The following MECOM variants were observed in gnomAD, a reference collection of about 807,000 sequenced individuals.
MECOM encodes histone-lysine N-methyltransferase MECOM.
MECOM carries 13 observed loss-of-function variants against 116.3 expected under a neutral mutation model. The ratio of observed to expected loss-of-function variants is 0.11; its 90% CI spans 0.07 to 0.18. The LOEUF (loss-of-function observed/expected upper bound fraction) is 0.18, where lower values mean the gene tolerates loss of function less well. Ranked by LOEUF, MECOM falls within the 10% of genes least tolerant of loss-of-function variation. The pLI is 1.00. For synonymous variants in MECOM, 528 were observed against 535.2 expected (o/e 0.99, Z 0.19); for missense variants, 1,299 against 1,509.0 (o/e 0.86, Z 2.31).
chr3:169,655,064 C>A (rs1042058475), intron 1 of MECOM, among the ~76,000 whole-genome samples: 13 of 151,932 alleles, frequency 8.6e-5, no homozygotes, highest in African/African-American at 2.2e-4. Flanking sequence ...GTAGAGAAAA[C>A]TTACATAAAA....
intron 1 of MECOM, among the ~76,000 whole-genome samples, chr3:169,558,575 G>A (rs139288880): frequency 3.3e-5 from 5 of 152,332 alleles, no homozygotes; most frequent in African/African-American, 1.2e-4. Flanking sequence ...TGCATTAATT[G>A]TATATCATTG....
At chr3:169,129,367 A>G (rs1266681115) in intron 4 of MECOM, among the ~76,000 whole-genome samples, 6 of 150,560 alleles carry the variant, frequency 4.0e-5, no homozygotes, top group African/African-American at 1.2e-4. Flanking sequence ...GAAAACAGCC[A>G]TTGAAAGTGG....
At chr3:169,449,771 G>T (rs75934373) in intron 1 of MECOM, among the ~76,000 whole-genome samples, 1 of 152,106 alleles carries the variant, frequency 6.6e-6, no homozygotes, top group Non-Finnish European at 1.5e-5. Context: ...CGGAAAAAAA[G>T]AAATACAATG....
chr3:169,506,428 A>G (rs565232042), intron 1 of MECOM, among the ~76,000 whole-genome samples: 2 of 151,318 alleles, frequency 1.3e-5, no homozygotes, highest in East Asian at 1.9e-4. Context: ...TCTTGACTTC[A>G]TCATTCTTGG....
chr3:169,144,430 TTTAG>T (rs1168828862), intron 2 of MECOM, among the ~76,000 whole-genome samples: 1 of 152,166 alleles, frequency 6.6e-6, no homozygotes, highest in Non-Finnish European at 1.5e-5. Context: ...AAACTCAGGT[TTTAG>T]TTAACACATG....
chr3:169,150,440 G>A (rs924578228), intron 2 of MECOM, among the ~76,000 whole-genome samples: 2 of 152,208 alleles, frequency 1.3e-5, no homozygotes, highest in Admixed American at 6.5e-5. Flanking sequence ...TGCAAAAGCC[G>A]CTGTCTGCTC....
intron 10 of MECOM, among the ~76,000 whole-genome samples, chr3:169,102,509 T>G (rs543259161): frequency 6.6e-6 from 1 of 152,274 alleles, no homozygotes; most frequent in South Asian, 2.1e-4. Context: ...TTGAAATACA[T>G]AAGAGAGCCA....
intron 3 of MECOM, among the ~76,000 whole-genome samples, chr3:169,139,280 C>T (rs1471313885): frequency 6.6e-6 from 1 of 152,014 alleles, no homozygotes; most frequent in African/African-American, 2.4e-5. Context: ...TACCAGCTGT[C>T]AAGGGCCTAC....
intron 1 of MECOM, among the ~76,000 whole-genome samples, chr3:169,417,111 T>A (rs1473694083): frequency 2.6e-5 from 4 of 151,342 alleles, no homozygotes. Flanking sequence ...ACAAATGGGA[T>A]CTAACTAAAC....
chr3:169,447,530 C>A (rs949057767), intron 1 of MECOM, among the ~76,000 whole-genome samples: 1 of 152,044 alleles, frequency 6.6e-6, no homozygotes, highest in Non-Finnish European at 1.5e-5. Context: ...TACAAAGTAC[C>A]TTTATAAAGC....
At position 169,432,662 on chromosome 3, in the gene MECOM, T is replaced by A. The variant is rs150757238; in HGVS notation, c.38-51138A>T. Reference sequence around the variant, plus strand: ...TAGAACACAAAAAGCCCTGTTAGGCTATACATCTATTTCATTCTTCTTCTT... The same window carrying A: ...TAGAACACAAAAAGCCCTGTTAGGCAATACATCTATTTCATTCTTCTTCTT... On this transcript the variant is annotated intron_variant, in intron 1 of 16. Transcript: ENST00000651503. Among the ~76,000 whole-genome samples, 13 of 152,372 alleles carry A rather than the reference T, an allele frequency of 8.5e-5. No individual in the cohort carries two copies. The East Asian group carries it at 2.5e-3, about 29-fold the overall frequency.
intron 1 of MECOM, among the ~76,000 whole-genome samples, chr3:169,445,234 C>T (rs1744422551): frequency 6.6e-6 from 1 of 152,162 alleles, no homozygotes; most frequent in South Asian, 2.1e-4. Flanking sequence ...ATGGCAGCCC[C>T]TCCCATCACA....
rs116757212 is a variant in MECOM at position 169,128,819 on chromosome 3, T to A, written c.614-759A>T. 9.9e-3 allele frequency among the ~76,000 whole-genome samples: 1,504 copies of A among 152,288 alleles called. 21 individuals carry two copies. The highest frequency in any genetic ancestry group is 0.015 in the Non-Finnish European group (1,048 of 68,014). On this transcript the variant is annotated intron_variant, in intron 4 of 16. Coordinates refer to ENST00000651503, the MANE Select transcript of MECOM (RefSeq NM_004991.4). ...ATAAATAAATGGTAGTAGTGTGGTA[T>A]AGAGATAACAAGGTTATAAAATGTC...
At chr3:169,195,571 T>C (rs778660275) in intron 2 of MECOM, among the ~76,000 whole-genome samples, 27 of 152,076 alleles carry the variant, frequency 1.8e-4, no homozygotes, top group Non-Finnish European at 3.5e-4. Context: ...TCCTCAGGCC[T>C]GTGTCACTTT....
At chr3:169,314,630 A>G (rs1041406775) in intron 2 of MECOM, among the ~76,000 whole-genome samples, 2 of 152,216 alleles carry the variant, frequency 1.3e-5, no homozygotes, top group Non-Finnish European at 2.9e-5. Context: ...CCCAAGAATG[A>G]AAGTGGGAAA....
At chr3:169,107,442 T>C (rs1429161778) in intron 10 of MECOM, among the ~76,000 whole-genome samples, 4 of 152,180 alleles carry the variant, frequency 2.6e-5, no homozygotes, top group Non-Finnish European at 5.9e-5. Context: ...ACATTTAGTT[T>C]TATATCTTCA....
At position 169,641,484 on chromosome 3, in the gene MECOM, G is replaced by C. The variant is rs543093836; in HGVS notation, c.37+21852C>G. ...CGCTATTCATTGAGGGTTTCACTAC[G>C]TATCTGTGGCCAGTTTTTTATTTTC... On this transcript the variant is annotated intron_variant, in intron 1 of 16. Coordinates refer to ENST00000651503, the MANE Select transcript of MECOM (RefSeq NM_004991.4). 5.9e-5 allele frequency among the ~76,000 whole-genome samples: 9 copies of C among 152,260 alleles called. No homozygotes were observed. The South Asian group carries it at 1.5e-3, about 25-fold the overall frequency.
Position 169,090,135 on chromosome 3 carries a change from T to C in MECOM, c.3266A>G (p.Glu1089Gly). Residue 1089 changes from glutamate to glycine, a missense_variant, in exon 15 of 17, where the codon GAG becomes GGG. Glu to Gly is a moderately conservative substitution (Grantham distance 98). Transcript: ENST00000651503. ...EEVEDEVLLD[E>G]EDEDNDITGK... ...AGTAATATCATTGTCTTCATCCTCC[T>C]CATCTAACAACACCTCATCTTCAAC... The C allele has an allele frequency of 6.2e-7, 1 of 1,613,528 alleles. No homozygotes were observed. The highest frequency in any genetic ancestry group is 8.5e-7 in the Non-Finnish European group (1 of 1,179,596).
chr3:169,195,303 G>A (rs2149435433), intron 2 of MECOM, among the ~76,000 whole-genome samples: 1 of 152,170 alleles, frequency 6.6e-6, no homozygotes, highest in South Asian at 2.1e-4. Flanking sequence ...GCCCAACAGG[G>A]CCTTTCCTTG....
Sources: gnomAD v4.1 joint callset for allele counts (sites outside exome capture counted in the v4.1 genomes callset) on GRCh38, gnomAD v4.1.1 for gene constraint, MANE v1.5 for transcripts, NCBI Gene and HGNC (gene_info 2026-07-23, HGNC 2026-07-21) for gene names.